The following DOCK2 variants were observed in gnomAD, a reference collection of about 807,000 sequenced individuals.
The protein encoded by DOCK2 is dedicator of cytokinesis 2.
In DOCK2, 87 loss-of-function variants were observed where a neutral mutation model predicts 248.9. That is an observed-to-expected ratio of 0.35 (90% confidence interval 0.29 to 0.42). The LOEUF (loss-of-function observed/expected upper bound fraction) is 0.42. DOCK2 is among the 10% of genes least tolerant of loss of function. The pLI is 1.00. For missense variants in DOCK2, 1,747 were observed against 2,300.2 expected, an observed-to-expected ratio of 0.76 and a Z score of 4.92; for synonymous variants, 805 against 821.6, an observed-to-expected ratio of 0.98 and a Z score of 0.35.
chr5:169,751,975 C>A (rs954348808), intron 23 of DOCK2, among the ~76,000 whole-genome samples: 1 of 137,502 alleles, frequency 7.3e-6, no homozygotes, highest in South Asian at 2.4e-4. Context: ...CCATCCAGGT[C>A]ATCTGCCTCC....
chr5:169,647,521 C>T (rs977951441), intron 1 of DOCK2, among the ~76,000 whole-genome samples: 1 of 152,170 alleles, frequency 6.6e-6, no homozygotes, highest in Non-Finnish European at 1.5e-5. Context: ...TGTGAGAGCA[C>T]AGCACAGCAA....
At chr5:170,052,677 A>C (rs1323073798) in intron 41 of DOCK2, among the ~76,000 whole-genome samples, 1 of 152,178 alleles carries the variant, frequency 6.6e-6, no homozygotes, top group East Asian at 1.9e-4. Flanking sequence ...TGTTTCAAAA[A>C]CTATGTTCTA....
intron 26 of DOCK2, among the ~76,000 whole-genome samples, chr5:169,835,123 G>T (rs1769479660): frequency 6.6e-6 from 1 of 152,114 alleles, no homozygotes; most frequent in African/African-American, 2.4e-5. Context: ...GATGAGAATG[G>T]CATTTGCATA....
At chr5:169,746,727 A>G (rs780168682) in intron 22 of DOCK2, among the ~76,000 whole-genome samples, 3 of 152,210 alleles carry the variant, frequency 2.0e-5, no homozygotes, top group Non-Finnish European at 4.4e-5. Flanking sequence ...ACACTTGTAT[A>G]TTATTATAGG....
At chr5:170,045,402 A>G (rs1297819838) in intron 38 of DOCK2, among the ~76,000 whole-genome samples, 1 of 152,182 alleles carries the variant, frequency 6.6e-6, no homozygotes, top group Non-Finnish European at 1.5e-5. Context: ...GCAGGGACTG[A>G]AGAGCAAGGC....
chr5:170,008,225 C>CAACAA lies in DOCK2; in HGVS notation c.3073-270_3073-269insCAAAA, dbSNP rs1554125567. On this transcript the variant is annotated intron_variant, in intron 30 of 51. Coordinates refer to ENST00000520908, the MANE Select transcript of DOCK2 (RefSeq NM_004946.3). ...ACAACAACAACAACAACAACAACAA[C>CAACAA]AAAAAAAAAAAAACCTAAAATTCTC... 5.3e-5 allele frequency among the ~76,000 whole-genome samples: 6 copies of CAACAA among 113,966 alleles called. No individual in the cohort carries two copies. The South Asian group carries it at 1.2e-3, about 24-fold the overall frequency. The allele number at this position is 113,966 out of a possible 152,430, so 74.8% of individuals were successfully genotyped here. A position where few individuals can be genotyped will look rare whatever the true frequency, so the allele number is the denominator to read the frequency against.
intron 26 of DOCK2, among the ~76,000 whole-genome samples, chr5:169,832,855 T>TA (rs34255046): frequency 0.17 from 25,503 of 150,282 alleles, 2,537 homozygotes; most frequent in Admixed American, 0.23. Flanking sequence ...CTCTTTTGCT[T>TA]AAAAAAAAAA....
At chr5:170,058,208 C>T (rs1757204540) in intron 44 of DOCK2, among the ~76,000 whole-genome samples, 1 of 152,142 alleles carries the variant, frequency 6.6e-6, no homozygotes, top group Non-Finnish European at 1.5e-5. Context: ...TTGCAGTCCC[C>T]AAGATACAGA....
chr5:169,714,006 A>G, intron 17 of DOCK2, 22 bp from the exon 18 acceptor site: 1 of 1,570,642 alleles, frequency 6.4e-7, no homozygotes. Context: ...GGCTTGGGGC[A>G]GTAACCAAGT....
chr5:169,756,113 GA>G (rs1381247352), intron 23 of DOCK2, among the ~76,000 whole-genome samples: 31 of 152,354 alleles, frequency 2.0e-4, no homozygotes, highest in Admixed American at 1.0e-3. Context: ...AACCCTCTGA[GA>G]CTCAGGTGAC....
intron 9 of DOCK2, among the ~76,000 whole-genome samples, chr5:169,691,647 A>T (rs1378346722): frequency 3.3e-5 from 5 of 152,102 alleles, no homozygotes; most frequent in African/African-American, 1.2e-4. Flanking sequence ...GTGACGTTTA[A>T]ATTAGAGATG....
intron 27 of DOCK2, among the ~76,000 whole-genome samples, chr5:169,922,990 C>T (rs949488017): frequency 3.3e-5 from 5 of 152,176 alleles, no homozygotes; most frequent in South Asian, 2.1e-4. Context: ...TTTCTCTTAT[C>T]GGTCCCACAG....
In DOCK2 at chr5:169,712,848, C is replaced by G. The variant is rs140834699; in HGVS notation, c.1659+625C>G. On this transcript the variant is annotated intron_variant, in intron 17 of 51. Transcript: ENST00000520908. Reference sequence around the variant, plus strand: ...GGACTGTTTTTGAGACATGGAGGAGCATTTGTCTGGTTTTTACCTGCTGCT... The same window carrying G: ...GGACTGTTTTTGAGACATGGAGGAGGATTTGTCTGGTTTTTACCTGCTGCT... 3.5e-3 allele frequency among the ~76,000 whole-genome samples: 526 copies of G among 152,292 alleles called. 6 individuals are homozygous for G. The highest frequency in any genetic ancestry group is 0.012 in the African/African-American group (508 of 41,550).
intron 27 of DOCK2, chr5:169,864,357 G>A (rs928517182): frequency 1.3e-6 from 2 of 1,551,402 alleles, no homozygotes; most frequent in Non-Finnish European, 1.7e-6. Context: ...GTTCTGCTGG[G>A]GACTTTGGTG....
At chr5:169,921,126 G>A (rs1031158100) in intron 27 of DOCK2, among the ~76,000 whole-genome samples, 2 of 152,184 alleles carry the variant, frequency 1.3e-5, no homozygotes, top group African/African-American at 4.8e-5. Context: ...GTAGGGTGAT[G>A]GTCAGTAGGA....
intron 27 of DOCK2, among the ~76,000 whole-genome samples, chr5:169,967,902 A>T (rs563953346): frequency 6.6e-6 from 1 of 152,326 alleles, no homozygotes; most frequent in East Asian, 1.9e-4. Flanking sequence ...GGTGGAACAA[A>T]GGACTATGGC....
intron 23 of DOCK2, among the ~76,000 whole-genome samples, chr5:169,758,769 A>G (rs1022786271): frequency 6.6e-6 from 1 of 152,152 alleles, no homozygotes; most frequent in Non-Finnish European, 1.5e-5. Flanking sequence ...CCCTGTTGTA[A>G]ATTCTTAGAG....
chr5:170,051,519 G>C (rs1756915182), intron 41 of DOCK2, among the ~76,000 whole-genome samples: 1 of 152,182 alleles, frequency 6.6e-6, no homozygotes, highest in Non-Finnish European at 1.5e-5. Flanking sequence ...TTCTGGAAGA[G>C]GCCTGCCATG....
intron 25 of DOCK2, among the ~76,000 whole-genome samples, 197 bp from the exon 26 acceptor site, chr5:169,802,861 T>A (rs1767084684): frequency 1.3e-5 from 2 of 152,222 alleles, no homozygotes; most frequent in African/African-American, 4.8e-5. Flanking sequence ...TGCCTCTGGG[T>A]AGGAAGGGTT....
Sources: gnomAD v4.1 joint callset for allele counts (sites outside exome capture counted in the v4.1 genomes callset) on GRCh38, gnomAD v4.1.1 for gene constraint, MANE v1.5 for transcripts, NCBI Gene and HGNC (gene_info 2026-07-23, HGNC 2026-07-21) for gene names.